The following ERBB4 variants were observed in gnomAD, a reference collection of about 807,000 sequenced individuals.
The protein encoded by ERBB4 is receptor tyrosine-protein kinase erbB-4.
A neutral mutation model predicts 158.0 loss-of-function variants in ERBB4; 42 were observed. The observed-to-expected ratio is 0.27, with a 90% confidence interval of 0.21 to 0.34. ERBB4 has a LOEUF of 0.34. Ranked by LOEUF, ERBB4 falls within the 10% of genes least tolerant of loss-of-function variation. The probability of loss-of-function intolerance (pLI) is 1.00; values close to 1 mark genes in which losing one functional copy is unlikely to be tolerated. For synonymous variants in ERBB4, 583 were observed against 558.7 expected (o/e 1.04, Z -0.61); for missense variants, 1,333 against 1,624.1 (o/e 0.82, Z 3.08).
intron 1 of ERBB4, among the ~76,000 whole-genome samples, chr2:212,379,803 G>C (rs998162447): frequency 1.4e-5 from 2 of 147,642 alleles, no homozygotes; most frequent in South Asian, 4.2e-4. Context: ...TCTCTCCTCT[G>C]TGTGTGTGTG....
intron 20 of ERBB4, among the ~76,000 whole-genome samples, chr2:211,494,279 A>T (rs11890884): frequency 0.024 from 3,721 of 152,214 alleles, 74 homozygotes; most frequent in Middle Eastern, 0.061. Context: ...CTGAGATTAT[A>T]GGCGTGAGCC....
chr2:211,460,593 G>T (rs1241392511), intron 20 of ERBB4, among the ~76,000 whole-genome samples: 1 of 152,118 alleles, frequency 6.6e-6, no homozygotes, highest in Non-Finnish European at 1.5e-5. Flanking sequence ...CATCCTGGAA[G>T]AAATTGACAA....
At chr2:211,893,995 CAG>C (rs1192037770) in intron 3 of ERBB4, among the ~76,000 whole-genome samples, 1 of 143,846 alleles carries the variant, frequency 7.0e-6, no homozygotes, top group East Asian at 2.0e-4. Context: ...TTGTGGAAGT[CAG>C]TGTGGCGATT....
At chr2:211,987,839 GA>G (rs2081977044) in intron 2 of ERBB4, among the ~76,000 whole-genome samples, 2 of 152,202 alleles carry the variant, frequency 1.3e-5, no homozygotes, top group South Asian at 4.1e-4. Flanking sequence ...TGAAATTAAA[GA>G]AAAACATTGT....
At chr2:212,117,127 C>T in intron 2 of ERBB4, among the ~76,000 whole-genome samples, 1 of 152,144 alleles carries the variant, frequency 6.6e-6, no homozygotes, top group East Asian at 1.9e-4. Context: ...TTCTATTTAA[C>T]CCAAAATGTC....
chr2:211,820,592 A>G (rs1298422542), intron 3 of ERBB4, among the ~76,000 whole-genome samples: 1 of 151,948 alleles, frequency 6.6e-6, no homozygotes, highest in Admixed American at 6.6e-5. Context: ...CTAGGCCAGT[A>G]TAACCCTGAT....
intron 3 of ERBB4, among the ~76,000 whole-genome samples, chr2:211,832,568 ATG>A (rs35068304): frequency 0.21 from 32,055 of 150,392 alleles, 3,553 homozygotes; most frequent in South Asian, 0.32. Context: ...AAATATATGT[ATG>A]TGTGTGTGTA....
chr2:212,235,041 G>C (rs1268739030), intron 1 of ERBB4, among the ~76,000 whole-genome samples: 2 of 152,108 alleles, frequency 1.3e-5, no homozygotes, highest in Non-Finnish European at 2.9e-5. Context: ...TAGTCATAAA[G>C]TCTTTACCCA....
At chr2:211,538,861 T>A (rs2066724038) in intron 20 of ERBB4, among the ~76,000 whole-genome samples, 1 of 151,902 alleles carries the variant, frequency 6.6e-6, no homozygotes, top group Non-Finnish European at 1.5e-5. Context: ...AACGCATAAC[T>A]TCCATTATTT....
At chr2:212,156,099 G>A (rs1170546542) in intron 1 of ERBB4, among the ~76,000 whole-genome samples, 1 of 152,014 alleles carries the variant, frequency 6.6e-6, no homozygotes, top group Non-Finnish European at 1.5e-5. Flanking sequence ...AGCTCTCCTG[G>A]GTCTTGTACT....
intron 1 of ERBB4, among the ~76,000 whole-genome samples, chr2:212,260,852 T>C (rs941342685): frequency 1.1e-4 from 17 of 152,138 alleles, no homozygotes; most frequent in African/African-American, 4.1e-4. Flanking sequence ...TAACTGTCTC[T>C]ATAATGGTTT....
chr2:211,698,054 C>A (rs2073089398), intron 12 of ERBB4, among the ~76,000 whole-genome samples: 1 of 152,104 alleles, frequency 6.6e-6, no homozygotes, highest in South Asian at 2.1e-4. Flanking sequence ...TGGTGGCTCA[C>A]ACCTGTAATC....
At chr2:211,496,089 C>T (rs72935524) in intron 20 of ERBB4, among the ~76,000 whole-genome samples, 331 of 152,198 alleles carry the variant, frequency 2.2e-3, no homozygotes, top group Non-Finnish European at 3.5e-3. Flanking sequence ...GTCCAGTTTT[C>T]CTCCTACCTT....
intron 1 of ERBB4, among the ~76,000 whole-genome samples, chr2:212,378,293 A>G (rs1161464829): frequency 6.6e-6 from 1 of 151,894 alleles, no homozygotes; most frequent in Non-Finnish European, 1.5e-5. Context: ...CCATCTGCAT[A>G]TAGAACTTCA....
At chr2:212,204,951 T>C (rs2082701144) in intron 1 of ERBB4, among the ~76,000 whole-genome samples, 1 of 151,284 alleles carries the variant, frequency 6.6e-6, no homozygotes, top group African/African-American at 2.4e-5. Context: ...CCCGAGTAGC[T>C]GGGATTACAG....
chr2:212,176,950 CTAAAA>C (rs1454672379), intron 1 of ERBB4, among the ~76,000 whole-genome samples: 2 of 151,824 alleles, frequency 1.3e-5, no homozygotes, highest in African/African-American at 4.8e-5. Context: ...TATTCTTAAA[CTAAAA>C]TAATTCTTTT....
intron 2 of ERBB4, among the ~76,000 whole-genome samples, chr2:212,024,195 T>C (rs1374341784): frequency 1.3e-5 from 2 of 151,960 alleles, no homozygotes; most frequent in Non-Finnish European, 2.9e-5. Flanking sequence ...TGTTTCATTC[T>C]CTTTTAAGAA....
intron 1 of ERBB4, among the ~76,000 whole-genome samples, chr2:212,497,202 A>G (rs1214533822): frequency 6.6e-6 from 1 of 151,082 alleles, no homozygotes; most frequent in Non-Finnish European, 1.5e-5. Context: ...AAAAAACCCT[A>G]TATTTTTAAA....
intron 5 of ERBB4, among the ~76,000 whole-genome samples, chr2:211,725,876 A>G (rs2074249884): frequency 6.6e-6 from 1 of 152,104 alleles, no homozygotes; most frequent in South Asian, 2.1e-4. Flanking sequence ...GAAAAAAGGA[A>G]GGAAAGAAAG....
Sources: gnomAD v4.1 joint callset for allele counts (sites outside exome capture counted in the v4.1 genomes callset) on GRCh38, gnomAD v4.1.1 for gene constraint, MANE v1.5 for transcripts, NCBI Gene and HGNC (gene_info 2026-07-23, HGNC 2026-07-21) for gene names.